Variants in ZCCHC7 observed in about 807,000 individuals in gnomAD.
ZCCHC7 encodes the protein zinc finger CCHC-type containing 7.
ZCCHC7 carries 35 observed loss-of-function variants against 52.0 expected under a neutral mutation model. That is an observed-to-expected ratio of 0.67 (90% CI 0.51 to 0.89). The LOEUF (loss-of-function observed/expected upper bound fraction) is 0.89. Among genes scored for constraint, ZCCHC7 ranks in the 40% least tolerant of loss-of-function variants. The probability of loss-of-function intolerance (pLI) is 0.00; values close to 1 mark genes in which losing one functional copy is unlikely to be tolerated. For missense variants in ZCCHC7, 574 were observed against 649.1 expected, an observed-to-expected ratio of 0.88 and a Z score of 1.26; for synonymous variants, 217 against 221.5, an observed-to-expected ratio of 0.98 and a Z score of 0.18.
chr9:37,155,914 C>A (rs903281898), intron 2 of ZCCHC7, among the ~76,000 whole-genome samples: 1 of 152,138 alleles, frequency 6.6e-6, no homozygotes, highest in African/African-American at 2.4e-5. Context: ...ACTAGATAAA[C>A]CTACAAAGGT....
intron 2 of ZCCHC7, among the ~76,000 whole-genome samples, chr9:37,176,789 A>C (rs1822057745): frequency 6.6e-6 from 1 of 152,206 alleles, no homozygotes; most frequent in South Asian, 2.1e-4. Flanking sequence ...ATTTTAGCTA[A>C]GGCTAAATTA....
At chr9:37,171,773 T>A (rs1821742533) in intron 2 of ZCCHC7, among the ~76,000 whole-genome samples, 1 of 152,200 alleles carries the variant, frequency 6.6e-6, no homozygotes. Context: ...CCTTGAGTTC[T>A]ACAAACTAGT....
intron 2 of ZCCHC7, among the ~76,000 whole-genome samples, chr9:37,271,173 G>C (rs1827392209): frequency 6.6e-6 from 1 of 152,230 alleles, no homozygotes; most frequent in East Asian, 1.9e-4. Context: ...TTACCTAGAA[G>C]TATTCTTTCC....
chr9:37,302,142 T>C (rs756856509), intron 2 of ZCCHC7, 46 bp from the exon 3 acceptor site: 1 of 1,488,792 alleles, frequency 6.7e-7, no homozygotes, highest in East Asian at 2.3e-5. Flanking sequence ...AATCTATAAG[T>C]CCTTTAAAAG....
chr9:37,227,439 TGAAAA>T (rs1286871633), intron 2 of ZCCHC7, among the ~76,000 whole-genome samples: 1 of 152,172 alleles, frequency 6.6e-6, no homozygotes, highest in African/African-American at 2.4e-5. Flanking sequence ...AGGTCATAAT[TGAAAA>T]GATCAACCAT....
intron 2 of ZCCHC7, among the ~76,000 whole-genome samples, chr9:37,184,392 C>CAAA (rs34335465): frequency 8.2e-6 from 1 of 121,308 alleles, no homozygotes; most frequent in African/African-American, 3.1e-5. Flanking sequence ...TGGCTTGCAT[C>CAAA]AAAAAAAAAA....
At chr9:37,137,316 A>T (rs566923675) in intron 2 of ZCCHC7, among the ~76,000 whole-genome samples, 19 of 152,172 alleles carry the variant, frequency 1.2e-4, no homozygotes, top group Non-Finnish European at 2.2e-4. Flanking sequence ...TTGAAAAGGA[A>T]CCCTTTGAAT....
chr9:37,216,909 A>C (rs997202147), intron 2 of ZCCHC7, among the ~76,000 whole-genome samples: 4 of 152,244 alleles, frequency 2.6e-5, no homozygotes, highest in Admixed American at 2.0e-4. Context: ...ATTAAGGATA[A>C]TTTCTAATAA....
intron 2 of ZCCHC7, among the ~76,000 whole-genome samples, chr9:37,282,959 A>G (rs1474492139): frequency 1.0e-5 from 1 of 100,424 alleles, no homozygotes; most frequent in Non-Finnish European, 1.9e-5. Context: ...CCAGATGGAG[A>G]TGTGGGGTGG....
intron 2 of ZCCHC7, among the ~76,000 whole-genome samples, chr9:37,288,641 A>G (rs1828380094): frequency 3.3e-5 from 5 of 152,152 alleles, no homozygotes; most frequent in Admixed American, 2.6e-4. Flanking sequence ...TAGGATCACC[A>G]GTGACTTTCC....
At chr9:37,227,822 T>C (rs991424257) in intron 2 of ZCCHC7, among the ~76,000 whole-genome samples, 2 of 152,198 alleles carry the variant, frequency 1.3e-5, no homozygotes, top group African/African-American at 4.8e-5. Context: ...TTCTTTTTTT[T>C]GAGACAGTCT....
chr9:37,233,806 A>G (rs1825515288), intron 2 of ZCCHC7, among the ~76,000 whole-genome samples: 1 of 152,178 alleles, frequency 6.6e-6, no homozygotes. Flanking sequence ...AAGGAAAGAA[A>G]GAAAAAAGAA....
At chr9:37,323,861 A>G (rs79842424) in intron 5 of ZCCHC7, among the ~76,000 whole-genome samples, 7,727 of 152,264 alleles carry the variant, frequency 0.051, 642 homozygotes, top group African/African-American at 0.17. Flanking sequence ...TATGCCAGTG[A>G]TTACCAAAGT....
At chr9:37,319,887 C>T (rs758608702) in intron 5 of ZCCHC7, among the ~76,000 whole-genome samples, 1 of 152,192 alleles carries the variant, frequency 6.6e-6, no homozygotes, top group African/African-American at 2.4e-5. Context: ...GTCGAAAAGA[C>T]TTTCCATTCT....
chr9:37,195,135 C>T (rs911635875), intron 2 of ZCCHC7, among the ~76,000 whole-genome samples: 29 of 151,648 alleles, frequency 1.9e-4, no homozygotes, highest in Admixed American at 3.9e-4. Flanking sequence ...TCAGTGAAGA[C>T]GGGGTTTTAC....
intron 2 of ZCCHC7, among the ~76,000 whole-genome samples, chr9:37,230,557 T>C (rs181192720): frequency 3.7e-4 from 57 of 152,306 alleles, no homozygotes; most frequent in African/African-American, 1.3e-3. Context: ...ATCAAGTGTT[T>C]ATTGGAGTTA....
In ZCCHC7 at chr9:37,168,426, C is replaced by T. The variant is rs546158055; in HGVS notation, c.610+41484C>T. Among the ~76,000 whole-genome samples, 99 of 152,190 alleles carry T rather than the reference C, an allele frequency of 6.5e-4. No individual in the cohort carries two copies. The South Asian group carries it at 0.017, about 25-fold the overall frequency. Reference sequence around the variant, plus strand: ...CTTTAGAGCACATTAGACTGTTTCACCTATCCCTCTAAAGGTTTATGTATT... The same window carrying T: ...CTTTAGAGCACATTAGACTGTTTCATCTATCCCTCTAAAGGTTTATGTATT... On this transcript the variant is annotated intron_variant, in intron 2 of 8. Coordinates refer to ENST00000336755, the MANE Select transcript of ZCCHC7 (RefSeq NM_032226.3).
chr9:37,204,853 AAC>A (rs1823821153), intron 2 of ZCCHC7, among the ~76,000 whole-genome samples: 1 of 152,122 alleles, frequency 6.6e-6, no homozygotes. Flanking sequence ...TAATTTTCTG[AAC>A]TAAGCATGGG....
rs77931134 is a variant in ZCCHC7 at position 37,131,951 on chromosome 9, C to CT, written c.610+5010dup. 7.2e-5 allele frequency among the ~76,000 whole-genome samples: 11 copies of CT among 152,306 alleles called. No homozygotes were observed. In the East Asian group the frequency reaches 2.1e-3, roughly 29 times the overall value. ...CCTATTACATATGACTTTCAGCTCT[C>CT]TCTACTGAGGGATGTAGGAGTTTAT... On this transcript the variant is annotated intron_variant, in intron 2 of 8. Transcript: ENST00000336755.
Sources: allele counts gnomAD v4.1 joint callset (sites outside exome capture counted in the v4.1 genomes callset), GRCh38; gene constraint gnomAD v4.1.1; transcripts MANE v1.5; gene names NCBI Gene and HGNC (gene_info 2026-07-23, HGNC 2026-07-21).